Variants in CTNNA3 observed in about 807,000 individuals in gnomAD.
CTNNA3 encodes catenin alpha-3.
Under a neutral mutation model 95.7 loss-of-function variants are expected in CTNNA3, and 76 were observed. The observed-to-expected ratio is 0.79, with a 90% CI of 0.66 to 0.96. CTNNA3 has a LOEUF of 0.96. Among genes scored for constraint, CTNNA3 ranks in the 40% least tolerant of loss-of-function variants. The pLI is 0.00. For missense variants in CTNNA3, 1,191 were observed against 1,089.8 expected (o/e 1.09, Z -1.31); for synonymous variants, 431 against 374.4 (o/e 1.15, Z -1.74).
intron 13 of CTNNA3, among the ~76,000 whole-genome samples, chr10:66,198,592 G>C (rs1440608169): frequency 6.6e-6 from 1 of 151,986 alleles, no homozygotes; most frequent in East Asian, 1.9e-4. Flanking sequence ...TTTAACATCA[G>C]ATAATCTATA....
chr10:66,421,103 T>C (rs2093189457), intron 11 of CTNNA3, among the ~76,000 whole-genome samples: 1 of 152,152 alleles, frequency 6.6e-6, no homozygotes, highest in African/African-American at 2.4e-5. Context: ...TGAGAGCCTG[T>C]CATTTGCAGC....
Position 66,142,675 on chromosome 10 carries a change from T to G in CTNNA3, c.1885-39426A>C, listed in dbSNP as rs79935460. ...TTTGCTATGACACTGTGACAGCAAT[T>G]AAACAACCATAAATCACAGGTTAAA... On this transcript the variant is annotated intron_variant, in intron 13 of 17. Coordinates refer to ENST00000433211, the MANE Select transcript of CTNNA3 (RefSeq NM_013266.4). Among the ~76,000 whole-genome samples the G allele has an allele frequency of 8.4e-3, 1,271 of 152,198 alleles. 31 individuals are homozygous for G. The highest frequency in any genetic ancestry group is 0.028 in the African/African-American group (1,182 of 41,552).
At chr10:66,044,938 AT>A (rs2079795928) in intron 15 of CTNNA3, among the ~76,000 whole-genome samples, 1 of 152,068 alleles carries the variant, frequency 6.6e-6, no homozygotes, top group African/African-American at 2.4e-5. Flanking sequence ...AGAGTAATTG[AT>A]TTGTCCATAC....
intron 5 of CTNNA3, among the ~76,000 whole-genome samples, chr10:67,390,585 T>A (rs1461863653): frequency 6.6e-6 from 1 of 151,176 alleles, no homozygotes; most frequent in Non-Finnish European, 1.5e-5. Flanking sequence ...TACCAAAGCC[T>A]GGCAGAGACA....
intron 5 of CTNNA3, among the ~76,000 whole-genome samples, chr10:67,279,262 A>G (rs1839302194): frequency 6.6e-6 from 1 of 152,196 alleles, no homozygotes; most frequent in Non-Finnish European, 1.5e-5. Context: ...TACATTAACA[A>G]TAACATTTTG....
At chr10:66,267,432 G>T (rs1386444206) in intron 13 of CTNNA3, among the ~76,000 whole-genome samples, 2 of 152,014 alleles carry the variant, frequency 1.3e-5, no homozygotes, top group African/African-American at 4.8e-5. Flanking sequence ...TTTCTCCATG[G>T]CAGAATTTAA....
intron 11 of CTNNA3, among the ~76,000 whole-genome samples, chr10:66,406,522 AAG>A (rs1427946800): frequency 6.6e-6 from 1 of 152,182 alleles, no homozygotes; most frequent in African/African-American, 2.4e-5. Flanking sequence ...ATATGAAGAA[AAG>A]TCTTTATTGT....
intron 3 of CTNNA3, among the ~76,000 whole-genome samples, chr10:67,601,230 T>C (rs1589474355): frequency 1.3e-5 from 2 of 152,278 alleles, no homozygotes; most frequent in African/African-American, 4.8e-5. Flanking sequence ...TCCCCAACCA[T>C]TTTGGCACCA....
chr10:67,745,097 G>A (rs1296896308), intron 1 of CTNNA3, among the ~76,000 whole-genome samples: 1 of 152,172 alleles, frequency 6.6e-6, no homozygotes, highest in African/African-American at 2.4e-5. Flanking sequence ...GGAAGTCAGT[G>A]TGGCGATTCC....
intron 5 of CTNNA3, among the ~76,000 whole-genome samples, chr10:67,475,442 A>G (rs1791498109): frequency 6.6e-6 from 1 of 152,242 alleles, no homozygotes; most frequent in African/African-American, 2.4e-5. Flanking sequence ...CTGTCATAAA[A>G]AAATTCCTAC....
intron 7 of CTNNA3, among the ~76,000 whole-genome samples, chr10:67,089,737 G>C (rs905738358): frequency 6.6e-6 from 1 of 151,564 alleles, no homozygotes; most frequent in African/African-American, 2.4e-5. Flanking sequence ...GTGTGTGTGT[G>C]TGTGTGTGTG....
intron 1 of CTNNA3, among the ~76,000 whole-genome samples, chr10:67,670,003 C>T (rs752009875): frequency 2.5e-4 from 38 of 152,294 alleles, no homozygotes; most frequent in Middle Eastern, 3.4e-3. Context: ...GACACTAACA[C>T]ATATTAATAA....
chr10:67,039,614 G>A (rs1295305730), intron 7 of CTNNA3, among the ~76,000 whole-genome samples: 1 of 152,010 alleles, frequency 6.6e-6, no homozygotes, highest in Non-Finnish European at 1.5e-5. Context: ...CTAATATCTA[G>A]AGGTTAGAGG....
At chr10:67,024,079 G>C (rs1366664798) in intron 7 of CTNNA3, among the ~76,000 whole-genome samples, 1 of 152,158 alleles carries the variant, frequency 6.6e-6, no homozygotes, top group African/African-American at 2.4e-5. Context: ...TCCAAAATCA[G>C]CCTCACTGAG....
intron 12 of CTNNA3, among the ~76,000 whole-genome samples, chr10:66,297,897 A>G (rs1193219022): frequency 1.3e-5 from 2 of 152,212 alleles, no homozygotes; most frequent in African/African-American, 4.8e-5. Context: ...TAAGTTAAGT[A>G]GAATTTGAAA....
chr10:67,399,670 C>T (rs1844846169), intron 5 of CTNNA3, among the ~76,000 whole-genome samples: 1 of 152,186 alleles, frequency 6.6e-6, no homozygotes, highest in South Asian at 2.1e-4. Flanking sequence ...GTCCTTAGTT[C>T]AGACTTCCCT....
chr10:67,525,038 G>A (rs1840100071), intron 4 of CTNNA3, among the ~76,000 whole-genome samples: 1 of 152,092 alleles, frequency 6.6e-6, no homozygotes, highest in African/African-American at 2.4e-5. Context: ...GGGAAAGGAA[G>A]CACAATTAAT....
intron 7 of CTNNA3, among the ~76,000 whole-genome samples, chr10:67,161,937 A>G (rs1203140718): frequency 6.6e-6 from 1 of 152,166 alleles, no homozygotes; most frequent in East Asian, 1.9e-4. Context: ...AGAGAGGGAG[A>G]CATTACATAA....
rs144452720 is a variant in CTNNA3, at chr10:67,376,027, A to G, written c.579+145815T>C. Among the ~76,000 whole-genome samples the G allele has an allele frequency of 5.4e-4, 82 of 152,290 alleles. No individual in the cohort carries two copies. In the East Asian group the frequency reaches 0.014, roughly 25 times the overall value. Reference sequence around the variant, plus strand: ...AGAACAGAGCAGGAAGGCACTGTCTATGAGAAAGTGGGCCCTCACCAGCTG... The same window carrying G: ...AGAACAGAGCAGGAAGGCACTGTCTGTGAGAAAGTGGGCCCTCACCAGCTG... On this transcript the variant is annotated intron_variant, in intron 5 of 17. Transcript: ENST00000433211.
Sources: gnomAD v4.1 joint callset for allele counts (sites outside exome capture counted in the v4.1 genomes callset) on GRCh38, gnomAD v4.1.1 for gene constraint, MANE v1.5 for transcripts, NCBI Gene and HGNC (gene_info 2026-07-23, HGNC 2026-07-21) for gene names.